Variants in ADAMTS12 observed in about 807,000 individuals in gnomAD.
The protein encoded by ADAMTS12 is A disintegrin and metalloproteinase with thrombospondin motifs 12.
Under a neutral mutation model 167.8 loss-of-function variants are expected in ADAMTS12, and 118 were observed. The observed-to-expected ratio is 0.70, with a 90% CI of 0.61 to 0.82. ADAMTS12 has a LOEUF of 0.82. Ranked by LOEUF, ADAMTS12 falls within the 40% of genes least tolerant of loss-of-function variation. The pLI is 0.00. For synonymous variants in ADAMTS12, 704 were observed against 716.9 expected, an observed-to-expected ratio of 0.98 and a Z score of 0.29; for missense variants, 1,916 against 1,998.8, an observed-to-expected ratio of 0.96 and a Z score of 0.79.
At chr5:33,604,043 A>G (rs2112060824) in intron 16 of ADAMTS12, among the ~76,000 whole-genome samples, 1 of 152,308 alleles carries the variant, frequency 6.6e-6, no homozygotes, top group Admixed American at 6.5e-5. Flanking sequence ...ATAAATTTAT[A>G]TCATATTAAG....
In ADAMTS12 at chr5:33,527,219, T is replaced by A; in HGVS notation, c.4754A>T (p.Gln1585Leu). The part of the protein sequence containing the change: ...HITHTQRQRR[Q>L]RLLQKSKEL ...TTCTTTTGACTTTTGGAGCAACCGT[T>A]GCCTTCTTTGCCTTTGGGTGTGTGT... The change falls in exon 24 of 24, where the codon CAA becomes CTA. Residue 1585 changes from glutamine to leucine, a missense_variant. Coordinates refer to ENST00000504830, the MANE Select transcript of ADAMTS12 (RefSeq NM_030955.4). 6.2e-7 allele frequency: 1 copy of A among 1,614,154 alleles called. No homozygotes were observed. The highest frequency in any genetic ancestry group is 8.5e-7 in the Non-Finnish European group (1 of 1,180,006).
chr5:33,658,063 C>G, intron 7 of ADAMTS12, 121 bp downstream of exon 7: 2 of 1,279,910 alleles, frequency 1.6e-6, no homozygotes, highest in Non-Finnish European at 2.2e-6. Context: ...GGGTGAGTCA[C>G]AAGCCACAGT....
intron 3 of ADAMTS12, among the ~76,000 whole-genome samples, chr5:33,749,623 T>C (rs1051966577): frequency 3.9e-5 from 6 of 152,090 alleles, no homozygotes; most frequent in Non-Finnish European, 8.8e-5. Flanking sequence ...GTGGAGAAAT[T>C]CACAAGGCAA....
chr5:33,658,137 T>A, intron 7 of ADAMTS12, 47 bp downstream of exon 7: 1 of 1,603,948 alleles, frequency 6.2e-7, no homozygotes. Flanking sequence ...CTGCTGATAT[T>A]GACACATGAA....
At chr5:33,812,062 G>T (rs766722807) in intron 2 of ADAMTS12, among the ~76,000 whole-genome samples, 1 of 152,306 alleles carries the variant, frequency 6.6e-6, no homozygotes, top group East Asian at 1.9e-4. Flanking sequence ...AAGGCAGGTG[G>T]ATTGCTTGAG....
chr5:33,713,585 T>C (rs1242260251), intron 3 of ADAMTS12, among the ~76,000 whole-genome samples: 1 of 151,950 alleles, frequency 6.6e-6, no homozygotes, highest in East Asian at 1.9e-4. Flanking sequence ...AAACAACTAA[T>C]GTGGGTTCCA....
At chr5:33,535,042 A>T (rs537932798) in intron 22 of ADAMTS12, 50 bp from the exon 23 acceptor site, 2 of 1,528,394 alleles carry the variant, frequency 1.3e-6, no homozygotes. Flanking sequence ...ACGACTCCCA[A>T]GGAAACACCA....
chr5:33,842,732 G>A (rs1205166092), intron 2 of ADAMTS12, among the ~76,000 whole-genome samples: 1 of 152,172 alleles, frequency 6.6e-6, no homozygotes, highest in East Asian at 1.9e-4. Context: ...GACCCTGTAG[G>A]TGACCCATAA....
chr5:33,803,130 G>A (rs1747073898), intron 2 of ADAMTS12, among the ~76,000 whole-genome samples: 1 of 152,162 alleles, frequency 6.6e-6, no homozygotes, highest in African/African-American at 2.4e-5. Flanking sequence ...AAGGTACATG[G>A]ATCCAGGGAA....
intron 3 of ADAMTS12, among the ~76,000 whole-genome samples, chr5:33,725,211 T>C (rs967981062): frequency 6.6e-6 from 1 of 152,214 alleles, no homozygotes; most frequent in Non-Finnish European, 1.5e-5. Context: ...TCAAAACCAC[T>C]GAGCTGGGTG....
At chr5:33,646,957 G>A (rs1346325918) in intron 9 of ADAMTS12, among the ~76,000 whole-genome samples, 9 of 152,008 alleles carry the variant, frequency 5.9e-5, no homozygotes, top group South Asian at 4.1e-4. Context: ...AGATTCAAAA[G>A]TCAATAGACA....
At chr5:33,754,349 GA>G (rs1745099540) in intron 2 of ADAMTS12, among the ~76,000 whole-genome samples, 4 of 152,280 alleles carry the variant, frequency 2.6e-5, no homozygotes, top group African/African-American at 7.2e-5. Context: ...TGGAATTGAG[GA>G]AAAAGTATCC....
At chr5:33,881,542 TC>T in intron 1 of ADAMTS12, 62 bp from the exon 2 acceptor site, 1 of 1,542,408 alleles carries the variant, frequency 6.5e-7, no homozygotes, top group Non-Finnish European at 8.7e-7. Context: ...AAAGCCACTT[TC>T]GTTTGGAACT....
At chr5:33,597,225 T>C (rs892917487) in intron 16 of ADAMTS12, among the ~76,000 whole-genome samples, 39 of 152,200 alleles carry the variant, frequency 2.6e-4, no homozygotes, top group African/African-American at 8.9e-4. Context: ...CAGACTGTCA[T>C]GGACTGAAGT....
At chr5:33,671,615 A>T in intron 5 of ADAMTS12, among the ~76,000 whole-genome samples, 1 of 152,144 alleles carries the variant, frequency 6.6e-6, no homozygotes, top group East Asian at 1.9e-4. Context: ...CTCACTGATT[A>T]TATGTGAGAA....
chr5:33,763,735 C>T (rs926685903), intron 2 of ADAMTS12, among the ~76,000 whole-genome samples: 7 of 152,220 alleles, frequency 4.6e-5, no homozygotes, highest in Non-Finnish European at 1.5e-5. Flanking sequence ...AACAATGCTT[C>T]CACCTTTTCC....
rs1312680921 is a variant in ADAMTS12 at position 33,715,020 on chromosome 5, TCATTGTA to T, written c.635-30972_635-30966del. On this transcript the variant is annotated intron_variant, in intron 3 of 23. Transcript: ENST00000504830. ...TGATATCCTGAATACCCTGATTTGA[TCATTGTA>T]CATTGTATGCATATATCAAAATATC... Among the ~76,000 whole-genome samples, 4 of 152,298 alleles carry T rather than the reference TCATTGTA, an allele frequency of 2.6e-5. No homozygotes were observed. The East Asian group carries it at 7.7e-4, about 29-fold the overall frequency.
At chr5:33,667,700 A>C (rs4321753) in intron 5 of ADAMTS12, among the ~76,000 whole-genome samples, 126,252 of 152,118 alleles carry the variant, frequency 0.83, 52,535 homozygotes, top group East Asian at 0.86. Flanking sequence ...AATTAAATAT[A>C]TATGTATCGT....
intron 4 of ADAMTS12, 133 bp from the exon 5 acceptor site, chr5:33,683,234 A>G: frequency 1.6e-6 from 1 of 629,748 alleles, no homozygotes; most frequent in Non-Finnish European, 2.7e-6. Flanking sequence ...CGGTGTGCTA[A>G]GAAGAGTGAA....
Sources: gnomAD v4.1 joint callset for allele counts (sites outside exome capture counted in the v4.1 genomes callset) on GRCh38, gnomAD v4.1.1 for gene constraint, MANE v1.5 for transcripts, NCBI Gene and HGNC (gene_info 2026-07-23, HGNC 2026-07-21) for gene names.